The following OR14A2 variants were observed in gnomAD, a reference collection of about 807,000 sequenced individuals.
OR14A2 encodes olfactory receptor 14A2.
For synonymous variants in OR14A2, 114 were observed against 58.6 expected (o/e 1.95, Z -4.32); for missense variants, 237 against 152.9 (o/e 1.55, Z -2.90).
the OR14A2 span, among the ~76,000 whole-genome samples, chr1:247,732,868 G>A: frequency 6.6e-6 from 1 of 152,058 alleles, no homozygotes. Flanking sequence ...GACTCAGCAC[G>A]CCCTTCCCCC....
the OR14A2 span, among the ~76,000 whole-genome samples, chr1:247,737,434 T>G: frequency 6.6e-6 from 1 of 152,164 alleles, no homozygotes; most frequent in East Asian, 1.9e-4. Flanking sequence ...GGTGTTCTTG[T>G]TGGAAAAAGC....
At chr1:247,736,027 T>C in the OR14A2 span, among the ~76,000 whole-genome samples, 9,111 of 151,640 alleles carry the variant, frequency 0.06, 316 homozygotes, top group Middle Eastern at 0.15. Context: ...TCTATTGATC[T>C]TACTCGAGAA....
At chr1:247,741,740 G>C in the OR14A2 span, among the ~76,000 whole-genome samples, 1 of 152,150 alleles carries the variant, frequency 6.6e-6, no homozygotes, top group Non-Finnish European at 1.5e-5. Context: ...TGAATCTATT[G>C]GTCATGTAGT....
At chr1:247,726,650 GTT>G (rs1660372462), upstream of OR14A2, among the ~76,000 whole-genome samples, 1 of 147,582 alleles carries the variant, frequency 6.8e-6, no homozygotes, top group East Asian at 2.0e-4. Flanking sequence ...TTCTTCTAGG[GTT>G]TTTATGGTTT....
chr1:247,746,280 T>A, the OR14A2 span: 1 of 152,302 alleles, frequency 6.6e-6, no homozygotes, highest in South Asian at 2.1e-4. Context: ...AGTTATGACA[T>A]TAGCTGTTAG....
At chr1:247,731,561 C>A in the OR14A2 span, among the ~76,000 whole-genome samples, 2 of 151,776 alleles carry the variant, frequency 1.3e-5, no homozygotes, top group Non-Finnish European at 2.9e-5. Flanking sequence ...ATTATTTTTT[C>A]TGGCATGTTC....
the OR14A2 span, among the ~76,000 whole-genome samples, chr1:247,740,519 C>T: frequency 6.6e-6 from 1 of 152,094 alleles, no homozygotes; most frequent in Non-Finnish European, 1.5e-5. Flanking sequence ...ATATTTTTCT[C>T]TTCATTAAAA....
At chr1:247,739,085 C>T in the OR14A2 span, 4 of 780,848 alleles carry the variant, frequency 5.1e-6, no homozygotes, top group Non-Finnish European at 9.6e-6. Context: ...GACTCTTGTA[C>T]ACAGCTGGAA....
the OR14A2 span, among the ~76,000 whole-genome samples, chr1:247,743,628 T>C: frequency 1.3e-5 from 2 of 152,228 alleles, no homozygotes; most frequent in African/African-American, 4.8e-5. Flanking sequence ...CATTTTCAAA[T>C]GTTTGTTGGC....
chr1:247,725,665 A>G (rs1394440858), upstream of OR14A2, among the ~76,000 whole-genome samples: 3 of 125,212 alleles, frequency 2.4e-5, no homozygotes, highest in Admixed American at 2.4e-4. Context: ...ATATCTCCCA[A>G]TGCTATCCCT....
upstream of OR14A2, among the ~76,000 whole-genome samples, chr1:247,726,724 G>A (rs1660375779): frequency 2.8e-5 from 4 of 145,448 alleles, no homozygotes; most frequent in African/African-American, 1.1e-4. Flanking sequence ...GTGTAAGGAA[G>A]GGATCCAGTT....
chr1:247,740,621 A>G, the OR14A2 span, among the ~76,000 whole-genome samples: 1 of 152,184 alleles, frequency 6.6e-6, no homozygotes, highest in Non-Finnish European at 1.5e-5. Context: ...CACTGTTTCT[A>G]ACATTGTGAT....
chr1:247,732,273 C>G, the OR14A2 span, among the ~76,000 whole-genome samples: 1 of 152,082 alleles, frequency 6.6e-6, no homozygotes, highest in Non-Finnish European at 1.5e-5. Context: ...TATCTCTATC[C>G]ATTTTGGCCA....
At chr1:247,730,232 A>T in the OR14A2 span, among the ~76,000 whole-genome samples, 1 of 152,054 alleles carries the variant, frequency 6.6e-6, no homozygotes, top group African/African-American at 2.4e-5. Context: ...AGGCTGTGAC[A>T]GTTAGCTCAA....
the OR14A2 span, among the ~76,000 whole-genome samples, chr1:247,730,310 A>G: frequency 2.0e-5 from 3 of 151,964 alleles, no homozygotes; most frequent in Non-Finnish European, 4.4e-5. Flanking sequence ...AAAACCTCAC[A>G]TGTTTTAGTC....
At chr1:247,745,002 G>C in the OR14A2 span, among the ~76,000 whole-genome samples, 664 of 152,232 alleles carry the variant, frequency 4.4e-3, 7 homozygotes, top group African/African-American at 0.015. Context: ...GCAGAGAGTG[G>C]CTTCAAGAGT....
the OR14A2 span, among the ~76,000 whole-genome samples, chr1:247,735,104 GA>G: frequency 1.3e-5 from 2 of 152,212 alleles, no homozygotes; most frequent in Non-Finnish European, 2.9e-5. Flanking sequence ...AACAGATGTT[GA>G]AAATTCGGTG....
At chr1:247,724,118 T>C (rs1660277138), upstream of OR14A2, 3 of 622,778 alleles carry the variant, frequency 4.8e-6, no homozygotes, top group Non-Finnish European at 8.6e-6. Flanking sequence ...AATTAAAAAA[T>C]TAGTCTATAC....
chr1:247,723,243 A>G, exon 1 of OR14A2: 1 of 717,748 alleles, frequency 1.4e-6, no homozygotes. Context: ...GCCTGTCAAT[A>G]ACAGATGGTG....
Sources: allele counts gnomAD v4.1 joint callset (sites outside exome capture counted in the v4.1 genomes callset), GRCh38; gene constraint gnomAD v4.1.1; transcripts MANE v1.5; gene names NCBI Gene and HGNC (gene_info 2026-07-23, HGNC 2026-07-21).